Variants in TPCN1 observed in about 807,000 individuals in gnomAD.
TPCN1 encodes two pore channel protein 1.
In TPCN1, 52 loss-of-function variants were observed where a neutral mutation model predicts 108.8. The ratio of observed to expected loss-of-function variants is 0.48; its 90% CI spans 0.38 to 0.60. TPCN1 has a LOEUF of 0.60. Among genes scored for constraint, TPCN1 ranks in the 20% least tolerant of loss-of-function variants. TPCN1 has a pLI of 0.00. For synonymous variants in TPCN1, 446 were observed against 433.7 expected (o/e 1.03, Z -0.35); for missense variants, 806 against 1,072.8 (o/e 0.75, Z 3.47).
chr12:113,260,510 G>C lies in TPCN1; in HGVS notation c.237+18G>C. The C allele has an allele frequency of 6.4e-7, 1 of 1,564,324 alleles. No homozygotes were observed. Among genetic ancestry groups the C allele is most frequent in the Non-Finnish European group, 8.6e-7 (1 of 1,159,786 alleles). On this transcript the variant is annotated intron_variant, in intron 3 of 27. Coordinates refer to ENST00000335509, the MANE Select transcript of TPCN1 (RefSeq NM_017901.6). Reference sequence around the variant, plus strand: ...ACCTCCAGGTGAGTATCTCCAGTCAGGCCCTGGCAGTTGTCTGCACCTGTT... The same window carrying C: ...ACCTCCAGGTGAGTATCTCCAGTCACGCCCTGGCAGTTGTCTGCACCTGTT...
chr12:113,285,944 G>C lies in TPCN1; in HGVS notation c.1509G>C (p.Leu503Phe). ...CCGGCCTGGGCCCTGTGGAGTACTT[G>C]TCTTCCGGATGGAACTTGTGAGTGG... ...KVAGLGPVEY[L>F]SSGWNLFDFS... is the part of the protein sequence containing the mutation. Residue 503 changes from leucine to phenylalanine, a missense_variant, in exon 18 of 28, where the codon TTG (leucine) becomes TTC (phenylalanine). Transcript: ENST00000335509. 6.2e-7 allele frequency: 1 copy of C among 1,614,206 alleles called. No individual in the cohort carries two copies. The highest frequency in any genetic ancestry group is 8.5e-7 in the Non-Finnish European group (1 of 1,180,028).
At position 113,291,862 on chromosome 12, in the gene TPCN1, A is replaced by G. The variant is rs780142531; in HGVS notation, c.2029-12A>G. 1.9e-6 allele frequency: 3 copies of G among 1,604,850 alleles called. No individual in the cohort carries two copies. The highest frequency in any genetic ancestry group is 1.7e-5 in the Admixed American group (1 of 59,428). On this transcript the variant is annotated splice_polypyrimidine_tract_variant and intron_variant, in intron 24 of 27. Coordinates refer to ENST00000335509, the MANE Select transcript of TPCN1 (RefSeq NM_017901.6). Reference sequence around the variant, plus strand: ...CCCCTGCCTCTGCCCCTCCCTCCCTATCCCTGGCCAGGTGGTGATGACGAT... The same window carrying G: ...CCCCTGCCTCTGCCCCTCCCTCCCTGTCCCTGGCCAGGTGGTGATGACGAT...
intron 15 of TPCN1, 85 bp downstream of exon 15, chr12:113,280,280 C>T: frequency 8.8e-7 from 1 of 1,138,214 alleles, no homozygotes; most frequent in Non-Finnish European, 1.3e-6. Context: ...GAGATTGGTC[C>T]TAGAGTCCTG....
rs1480388500 is a variant in TPCN1, at chr12:113,287,181, G to A, written c.1634+87G>A. ...ATTGATCCGGGAAGTGACCCAGAATGAGCCAGAAGGTTCACAAGCCAGAGT... is the reference window on the plus strand; with the variant it reads ...ATTGATCCGGGAAGTGACCCAGAATAAGCCAGAAGGTTCACAAGCCAGAGT... On this transcript the variant is annotated intron_variant, in intron 19 of 27. Transcript: ENST00000335509. The A allele has an allele frequency of 6.2e-6, 7 of 1,123,336 alleles. No individual in the cohort carries two copies. The East Asian group carries it at 1.2e-4, about 19-fold the overall frequency. 69.6% of individuals were successfully genotyped at this position (1,123,336 alleles called of 1,614,324 possible).
At position 113,273,776 on chromosome 12, in the gene TPCN1, G is replaced by A; in HGVS notation, c.942+108G>A. 1 of 929,520 alleles carries A rather than the reference G, an allele frequency of 1.1e-6. No homozygotes were observed. Among genetic ancestry groups the A allele is most frequent in the Non-Finnish European group, 1.8e-6 (1 of 567,586 alleles). 57.6% of individuals were successfully genotyped at this position (929,520 alleles called of 1,614,324 possible). ...GGACTGTCTTCTGCCTCTCAGGGCA[G>A]AACGTTGGGGCAGGAAGTCCCAGAT... On this transcript the variant is annotated intron_variant, in intron 10 of 27. Transcript: ENST00000335509. This position sits in a 1 kb window ranked among gnomAD's most constrained non-coding sequence, Gnocchi z 4.0.
chr12:113,259,171 T>G (rs1307793882), intron 2 of TPCN1, among the ~76,000 whole-genome samples: 3 of 152,018 alleles, frequency 2.0e-5, no homozygotes, highest in Non-Finnish European at 4.4e-5. Flanking sequence ...GAGTTGAGGT[T>G]TTGTCATGTT....
At chr12:113,265,818 A>G (rs1955238713) in intron 3 of TPCN1, among the ~76,000 whole-genome samples, 2 of 151,590 alleles carry the variant, frequency 1.3e-5, no homozygotes, top group Admixed American at 1.3e-4. Context: ...TTTTTAAGAG[A>G]TGGTGTCTTG....
At chr12:113,292,830 G>A in intron 25 of TPCN1, 104 bp from the exon 26 acceptor site, 1 of 1,345,760 alleles carries the variant, frequency 7.4e-7, no homozygotes, top group Non-Finnish European at 1.0e-6. Context: ...TTTAGAGAGA[G>A]AACCTTAAGA....
At chr12:113,264,318 A>G (rs1389171902) in intron 3 of TPCN1, among the ~76,000 whole-genome samples, 1 of 152,214 alleles carries the variant, frequency 6.6e-6, no homozygotes, top group Non-Finnish European at 1.5e-5. Context: ...CAGTTTATCC[A>G]GCTTCAGGGA....
chr12:113,252,215 T>C (rs1475832621), intron 2 of TPCN1, among the ~76,000 whole-genome samples: 1 of 152,116 alleles, frequency 6.6e-6, no homozygotes, highest in Non-Finnish European at 1.5e-5. Context: ...ACCTAAAGAT[T>C]AGCAAAGGTT....
Position 113,277,259 on chromosome 12 carries a change from A to G in TPCN1, c.1079A>G (p.Tyr360Cys). Residue 360 changes from tyrosine (Y) to cysteine (C), a missense_variant, in exon 12 of 28, where the codon TAC becomes TGC. Transcript: ENST00000335509. ...ISQRRPAGISYRQFEGLMRFY... is the reference protein window; with the variant it reads ...ISQRRPAGISCRQFEGLMRFY... The stretch of plus-strand genomic sequence containing the variant: ...CCCCAGAGGCCTGCCGGCATCTCCT[A>G]CAGGCAGTTTGAAGGCCTCATGCGC... 6.2e-7 allele frequency: 1 copy of G among 1,613,754 alleles called. No homozygotes were observed. The highest frequency in any genetic ancestry group is 1.1e-5 in the South Asian group (1 of 91,046).
At chr12:113,270,365 C>A (rs1955442549) in intron 7 of TPCN1, among the ~76,000 whole-genome samples, 1 of 152,182 alleles carries the variant, frequency 6.6e-6, no homozygotes, top group Non-Finnish European at 1.5e-5. Context: ...CAAAGGCCAG[C>A]TGTGGGTGTC....
chr12:113,245,595 C>T (rs575176146), intron 2 of TPCN1, among the ~76,000 whole-genome samples: 12 of 110,092 alleles, frequency 1.1e-4, no homozygotes, highest in African/African-American at 3.9e-4. Flanking sequence ...AGCAAGACTC[C>T]GTCTCAAAAA....
intron 2 of TPCN1, among the ~76,000 whole-genome samples, chr12:113,251,691 G>A (rs1275359127): frequency 6.6e-6 from 1 of 152,268 alleles, no homozygotes; most frequent in Admixed American, 6.5e-5. Context: ...CCTGTTAGGA[G>A]TTTGGTACAG....
chr12:113,290,288 C>A, intron 22 of TPCN1, 45 bp downstream of exon 22: 1 of 1,218,090 alleles, frequency 8.2e-7, no homozygotes, highest in Non-Finnish European at 1.2e-6. Context: ...GGGGACCCCA[C>A]CCTTGTCACC....
In TPCN1 at chr12:113,266,089, G is replaced by A. The variant is rs1053958727; in HGVS notation, c.238-91G>A. Reference sequence around the variant, plus strand: ...GGCCTGAATCTCTCCTCGCCTGCCTGGGGCCTTCCTTTCCTCCCCTGCCCG... The same window carrying A: ...GGCCTGAATCTCTCCTCGCCTGCCTAGGGCCTTCCTTTCCTCCCCTGCCCG... On this transcript the variant is annotated intron_variant, in intron 3 of 27. Transcript: ENST00000335509. The surrounding 1 kb of genome is among the most constrained non-coding windows in gnomAD (Gnocchi z 4.2). The A allele has an allele frequency of 7.2e-7, 1 of 1,394,200 alleles. No individual in the cohort carries two copies. Among genetic ancestry groups the A allele is most frequent in the Admixed American group, 1.9e-5 (1 of 53,462 alleles). The allele number at this position is 1,394,200 out of a possible 1,614,324, so 86.4% of individuals were successfully genotyped here.
In TPCN1 at chr12:113,221,512, C is replaced by T. The variant is rs1391789452; in HGVS notation, c.-240C>T. 3 of 283,554 alleles carry T rather than the reference C, an allele frequency of 1.1e-5. No homozygotes were observed. The highest frequency in any genetic ancestry group is 2.2e-5 in the Non-Finnish European group (3 of 139,522). 17.6% of individuals were successfully genotyped at this position (283,554 alleles called of 1,614,324 possible). A position where few individuals can be genotyped will look rare whatever the true frequency, so the allele number is the denominator to read the frequency against. ...GCAGTGGCTGAAGTGGCGGCGGCTT[C>T]GGCGGCTGCGGCGGCTGCAACAGCT... On this transcript the variant is annotated 5_prime_UTR_variant, in exon 1 of 28. Transcript: ENST00000335509.
intron 10 of TPCN1, among the ~76,000 whole-genome samples, 187 bp from the exon 11 acceptor site, chr12:113,276,731 GC>G (rs1360625115): frequency 6.6e-6 from 1 of 152,116 alleles, no homozygotes; most frequent in Non-Finnish European, 1.5e-5. Context: ...GGAACAAAGG[GC>G]CTTCCTCTGT....
chr12:113,268,628 G>A lies in TPCN1; in HGVS notation c.529-114G>A. ...GGAAGTGTGAGAGGGCTGGAGAGAG[G>A]AGAAGGCCTCCCGAGGCCAGAGTGG... is the stretch of plus-strand genomic sequence containing the variant. On this transcript the variant is annotated intron_variant, in intron 5 of 27. Transcript: ENST00000335509. This position sits in a 1 kb window ranked among gnomAD's most constrained non-coding sequence, Gnocchi z 7.3. 7.3e-7 allele frequency: 1 copy of A among 1,365,370 alleles called. No individual in the cohort carries two copies. The highest frequency in any genetic ancestry group is 1.0e-6 in the Non-Finnish European group (1 of 996,982). 84.6% of individuals were successfully genotyped at this position (1,365,370 alleles called of 1,614,324 possible).
Sources: gnomAD v4.1 joint callset for allele counts (sites outside exome capture counted in the v4.1 genomes callset) on GRCh38, gnomAD v4.1.1 for gene constraint, Gnocchi (gnomAD v3.1) non-coding constraint, MANE v1.5 for transcripts, NCBI Gene and HGNC (gene_info 2026-07-23, HGNC 2026-07-21) for gene names.